Variants in DPP6 observed in about 807,000 individuals in gnomAD.
The protein encoded by DPP6 is A-type potassium channel modulatory protein DPP6.
Under a neutral mutation model 122.6 loss-of-function variants are expected in DPP6, and 69 were observed. The observed-to-expected ratio is 0.56, with a 90% CI of 0.46 to 0.69. The LOEUF is 0.69. Among genes scored for constraint, DPP6 ranks in the 30% least tolerant of loss-of-function variants. The pLI is 0.00. For missense variants in DPP6, 928 were observed against 1,116.9 expected (o/e 0.83, Z 2.41); for synonymous variants, 418 against 433.1 (o/e 0.97, Z 0.43).
At chr7:154,208,958 C>T (rs530638384) in intron 1 of DPP6, among the ~76,000 whole-genome samples, 4 of 152,290 alleles carry the variant, frequency 2.6e-5, no homozygotes, top group African/African-American at 9.6e-5. Context: ...GAAACACATG[C>T]ACATGGACAC....
At chr7:153,914,501 G>C (rs928722831) in intron 1 of DPP6, among the ~76,000 whole-genome samples, 2 of 152,144 alleles carry the variant, frequency 1.3e-5, no homozygotes, top group Non-Finnish European at 2.9e-5. Context: ...TCTGACCACA[G>C]CCCTATCTTT....
At chr7:154,463,477 G>A (rs961501994) in intron 2 of DPP6, among the ~76,000 whole-genome samples, 1 of 151,972 alleles carries the variant, frequency 6.6e-6, no homozygotes, top group African/African-American at 2.4e-5. Context: ...AAAGTGCTGG[G>A]ATTACAGGCG....
intron 4 of DPP6, among the ~76,000 whole-genome samples, chr7:154,565,999 C>A (rs7458527): frequency 1.1e-3 from 166 of 152,124 alleles, no homozygotes; most frequent in Non-Finnish European, 1.9e-3. Context: ...GAAAACAGCA[C>A]AGTTGATGGT....
At chr7:154,844,256 C>A (rs1007058514) in intron 16 of DPP6, among the ~76,000 whole-genome samples, 1 of 152,188 alleles carries the variant, frequency 6.6e-6, no homozygotes, top group African/African-American at 2.4e-5. Flanking sequence ...AAGTAAAAAA[C>A]CAATGTGGTA....
chr7:153,998,158 C>T (rs1427700876), intron 1 of DPP6, among the ~76,000 whole-genome samples: 2 of 151,860 alleles, frequency 1.3e-5, no homozygotes, highest in Non-Finnish European at 2.9e-5. Context: ...CCAAGTTCAG[C>T]TTCACAAAGA....
intron 1 of DPP6, among the ~76,000 whole-genome samples, chr7:153,958,141 G>A (rs2129026519): frequency 6.6e-6 from 1 of 152,218 alleles, no homozygotes; most frequent in East Asian, 1.9e-4. Context: ...TCCAGCCTGG[G>A]CGACGGAGTG....
the DPP6 span, among the ~76,000 whole-genome samples, chr7:153,773,009 CATAT>C: frequency 4.6e-5 from 6 of 129,608 alleles, no homozygotes; most frequent in South Asian, 2.4e-4. Context: ...AAAGAAAAGA[CATAT>C]ATTATATAAT....
intron 11 of DPP6, 85 bp downstream of exon 11, chr7:154,794,287 C>CCCT: frequency 6.9e-7 from 1 of 1,451,596 alleles, no homozygotes; most frequent in Non-Finnish European, 9.2e-7. Flanking sequence ...GTCGTCTCAG[C>CCCT]CCTCGGGCCT....
intron 1 of DPP6, among the ~76,000 whole-genome samples, chr7:154,044,150 T>A (rs1175910533): frequency 2.0e-5 from 3 of 152,190 alleles, no homozygotes; most frequent in Non-Finnish European, 4.4e-5. Flanking sequence ...AATGGGCAAT[T>A]TCGGTGTACC....
Position 154,041,882 on chromosome 7 carries a change from G to A in DPP6, c.51+154148G>A, listed in dbSNP as rs556309848. On this transcript the variant is annotated intron_variant, in intron 1 of 25. Coordinates refer to the DPP6 transcript ENST00000404039. The stretch of plus-strand genomic sequence containing the variant: ...CAAGTGATTCTCCTGCCTCAGCCTC[G>A]CGAGTAGCTAGGATTACAGTCATAC... Among the ~76,000 whole-genome samples the A allele has an allele frequency of 5.3e-5, 8 of 151,986 alleles. No homozygotes were observed. In the South Asian group the frequency reaches 1.0e-3, roughly 20 times the overall value.
intron 3 of DPP6, among the ~76,000 whole-genome samples, chr7:154,479,575 G>GAAAA (rs1240927814): frequency 2.6e-5 from 2 of 76,564 alleles, no homozygotes; most frequent in Non-Finnish European, 3.1e-5. Context: ...AAAAAAAAAA[G>GAAAA]AAAAGAAAAG....
intron 1 of DPP6, among the ~76,000 whole-genome samples, chr7:154,428,343 T>C (rs1483928748): frequency 1.3e-5 from 2 of 152,220 alleles, no homozygotes; most frequent in African/African-American, 2.4e-5. Context: ...CTAAAACAGA[T>C]ATTCCACTAA....
intron 6 of DPP6, among the ~76,000 whole-genome samples, chr7:154,640,796 A>G (rs1315573071): frequency 6.6e-6 from 1 of 152,352 alleles, no homozygotes; most frequent in African/African-American, 2.4e-5. Flanking sequence ...ATTTGAATAT[A>G]CATTATTCAT....
At chr7:154,047,058 G>T (rs1420036322) in intron 1 of DPP6, among the ~76,000 whole-genome samples, 1 of 147,806 alleles carries the variant, frequency 6.8e-6, no homozygotes. Flanking sequence ...ATCCATTTTG[G>T]TTTTGCTGTT....
At chr7:154,613,626 A>G (rs1379250674) in intron 5 of DPP6, among the ~76,000 whole-genome samples, 1 of 38,616 alleles carries the variant, frequency 2.6e-5, no homozygotes, top group Non-Finnish European at 6.9e-5. Context: ...TCTCAAAAAA[A>G]AAAAAAAAAA....
upstream of DPP6, among the ~76,000 whole-genome samples, chr7:154,051,343 G>A (rs1208251817): frequency 4.3e-5 from 6 of 140,418 alleles, no homozygotes; most frequent in Admixed American, 4.2e-4. Context: ...GGGCTGGAAG[G>A]GGCGCGCAAG....
intron 10 of DPP6, among the ~76,000 whole-genome samples, chr7:154,788,344 T>G (rs1188651301): frequency 1.3e-5 from 2 of 151,724 alleles, no homozygotes; most frequent in Admixed American, 6.6e-5. Flanking sequence ...TTCGGGAGAC[T>G]GAGGCAGGAC....
In DPP6 at chr7:154,272,827, G is replaced by C. The variant is rs1016350188; in HGVS notation, c.244-173387G>C. Among the ~76,000 whole-genome samples, 4 of 152,258 alleles carry C rather than the reference G, an allele frequency of 2.6e-5. No individual in the cohort carries two copies. The East Asian group carries it at 7.7e-4, about 29-fold the overall frequency. ...TTCTCATGCTGTGTCAAACCTCCTT[G>C]CATATCAATCTTCTGTTCACCCTCA... On this transcript the variant is annotated intron_variant, in intron 1 of 25. Coordinates refer to ENST00000377770, the MANE Select transcript of DPP6 (RefSeq NM_130797.4).
intron 3 of DPP6, among the ~76,000 whole-genome samples, chr7:154,476,148 C>T (rs1822716885): frequency 1.3e-5 from 2 of 152,190 alleles, no homozygotes; most frequent in Non-Finnish European, 2.9e-5. Flanking sequence ...TTCTTTCGTC[C>T]TCTATTGTGG....
Sources: allele counts gnomAD v4.1 joint callset (sites outside exome capture counted in the v4.1 genomes callset), GRCh38; gene constraint gnomAD v4.1.1; transcripts MANE v1.5; gene names NCBI Gene and HGNC (gene_info 2026-07-23, HGNC 2026-07-21).